GDPD4: variants seen among roughly 807,000 people sequenced by gnomAD.
The protein encoded by GDPD4 is glycerophosphodiester phosphodiesterase domain containing 4.
GDPD4 carries 60 observed loss-of-function variants against 67.8 expected under a neutral mutation model. The ratio of observed to expected loss-of-function variants is 0.88; its 90% confidence interval spans 0.72 to 1.10. GDPD4 has a LOEUF of 1.10. GDPD4 is among the 50% of genes least tolerant of loss of function. GDPD4 has a pLI of 0.00. For synonymous variants in GDPD4, 212 were observed against 210.9 expected (o/e 1.00, Z -0.04); for missense variants, 623 against 613.9 (o/e 1.01, Z -0.16).
chr11:77,250,772 T>C (rs1370786390), intron 11 of GDPD4, among the ~76,000 whole-genome samples: 1 of 152,230 alleles, frequency 6.6e-6, no homozygotes, highest in Non-Finnish European at 1.5e-5. Flanking sequence ...CAACATTTAC[T>C]GTGTTGGAAT....
chr11:77,244,236 T>C (rs540440066), intron 12 of GDPD4, among the ~76,000 whole-genome samples: 27 of 152,304 alleles, frequency 1.8e-4, no homozygotes, highest in Non-Finnish European at 3.7e-4. Flanking sequence ...TGTTCCACCG[T>C]ATTAGCCAGG....
chr11:77,276,595 T>C (rs949735117), intron 4 of GDPD4, among the ~76,000 whole-genome samples: 1 of 152,240 alleles, frequency 6.6e-6, no homozygotes, highest in East Asian at 1.9e-4. Flanking sequence ...TGGACTCACT[T>C]GTAAGAGAAG....
chr11:77,269,439 G>C (rs1246483684), intron 8 of GDPD4, among the ~76,000 whole-genome samples: 1 of 152,084 alleles, frequency 6.6e-6, no homozygotes, highest in African/African-American at 2.4e-5. Flanking sequence ...AGCCTGTAAA[G>C]ATCATCCTAA....
chr11:77,295,990 G>A (rs945283626), intron 1 of GDPD4, among the ~76,000 whole-genome samples: 36 of 152,048 alleles, frequency 2.4e-4, no homozygotes, highest in Admixed American at 1.3e-3. Context: ...GGTGGCTCAC[G>A]CCTGTAATCC....
intron 1 of GDPD4, among the ~76,000 whole-genome samples, chr11:77,297,665 T>G (rs1276517193): frequency 6.6e-6 from 1 of 152,230 alleles, no homozygotes; most frequent in Non-Finnish European, 1.5e-5. Flanking sequence ...TTTTCTCATC[T>G]TTAAATGTGG....
At chr11:77,251,303 C>G (rs746016973) in intron 11 of GDPD4, among the ~76,000 whole-genome samples, 29 of 152,120 alleles carry the variant, frequency 1.9e-4, no homozygotes, top group Non-Finnish European at 4.1e-4. Flanking sequence ...CCTATCTGCT[C>G]TATTGATGAG....
At chr11:77,261,401 C>A (rs991737305) in intron 10 of GDPD4, among the ~76,000 whole-genome samples, 1 of 152,064 alleles carries the variant, frequency 6.6e-6, no homozygotes, top group Admixed American at 6.5e-5. Flanking sequence ...CCACGCCCAG[C>A]TAATTTTTCT....
At chr11:77,232,919 C>T (rs1221989552) in intron 14 of GDPD4, 106 bp downstream of exon 14, 1 of 960,826 alleles carries the variant, frequency 1.0e-6, no homozygotes, top group Non-Finnish European at 1.6e-6. Flanking sequence ...GAAGTCTGTA[C>T]TCTTAAGTGG....
chr11:77,257,558 C>G (rs1198347273), intron 11 of GDPD4, among the ~76,000 whole-genome samples: 1 of 130,284 alleles, frequency 7.7e-6, no homozygotes, highest in African/African-American at 3.2e-5. Flanking sequence ...CTCCTACACA[C>G]ACACACACAC....
At position 77,245,285 on chromosome 11, in the gene GDPD4, T is replaced by A; in HGVS notation, c.1082A>T (p.His361Leu). Residue 361 changes from histidine to leucine, a missense_variant, in exon 12 of 17, where the codon CAT (histidine) becomes CTT (leucine). His to Leu is a moderately conservative substitution (Grantham distance 99). Coordinates refer to ENST00000315938, the MANE Select transcript of GDPD4 (RefSeq NM_182833.3). ...SVILASKIEQ[H>L]LIFWLPAHDR... ...TAAATACTGAGATAGACTTACCAGATGTTGCTCGATTTTAGAGGCAAGGAT... is the reference window on the plus strand; with the variant it reads ...TAAATACTGAGATAGACTTACCAGAAGTTGCTCGATTTTAGAGGCAAGGAT... The A allele has an allele frequency of 1.2e-6, 2 of 1,613,200 alleles. No homozygotes were observed. The highest frequency in any genetic ancestry group is 1.7e-6 in the Non-Finnish European group (2 of 1,179,150).
chr11:77,218,372 G>T (rs998718908), intron 16 of GDPD4, among the ~76,000 whole-genome samples: 1 of 152,020 alleles, frequency 6.6e-6, no homozygotes, highest in Non-Finnish European at 1.5e-5. Context: ...AATCTTTGGG[G>T]TTATCATAGG....
chr11:77,244,682 T>TA (rs906198152), intron 12 of GDPD4, among the ~76,000 whole-genome samples: 13 of 151,972 alleles, frequency 8.6e-5, no homozygotes, highest in African/African-American at 2.4e-4. Flanking sequence ...CTATTTTATT[T>TA]AAAAAAAATC....
chr11:77,227,988 C>G, intron 15 of GDPD4, 72 bp from the exon 16 acceptor site: 1 of 994,220 alleles, frequency 1.0e-6, no homozygotes, highest in Non-Finnish European at 1.6e-6. Flanking sequence ...GTTCCTCCTC[C>G]AGGATCTTCT....
intron 13 of GDPD4, among the ~76,000 whole-genome samples, chr11:77,235,009 G>GTGTTTTTTTTTTTTTTTTTTTTTTTTTTT (rs1413310722): frequency 1.9e-5 from 1 of 52,254 alleles, no homozygotes; most frequent in Non-Finnish European, 3.7e-5. Context: ...GTCAATATCT[G>GTGTTTTTTTTTTTTTTTTTTTTTTTTTTT]TTTTTTTTTT....
At position 77,216,725 on chromosome 11, in the gene GDPD4, T is replaced by C. The variant is rs1958127564; in HGVS notation, c.*552A>G. ...TGCATTCTTGATAGCGAGAGCACAA[T>C]GGTTCCCCTGAGAGCCTCCGTGGCC... On this transcript the variant is annotated 3_prime_UTR_variant, in exon 17 of 17. Coordinates refer to ENST00000315938, the MANE Select transcript of GDPD4 (RefSeq NM_182833.3). 3.4e-6 allele frequency: 2 copies of C among 587,222 alleles called. No homozygotes were observed. Among genetic ancestry groups the C allele is most frequent in the Admixed American group, 3.0e-5 (1 of 33,356 alleles). 36.4% of individuals were successfully genotyped at this position (587,222 alleles called of 1,614,324 possible).
In GDPD4 at chr11:77,262,643, A is replaced by C. The variant is rs573244150; in HGVS notation, c.708-4101T>G. Among the ~76,000 whole-genome samples, 49 of 152,198 alleles carry C rather than the reference A, an allele frequency of 3.2e-4. No individual in the cohort carries two copies. The South Asian group carries it at 9.6e-3, about 30-fold the overall frequency. The stretch of plus-strand genomic sequence containing the variant: ...GATATGAACCAGTTTGAGGACCCCC[A>C]CAGAGGAACAGAATCAGCATGAGAA... On this transcript the variant is annotated intron_variant, in intron 10 of 16. Transcript: ENST00000315938.
chr11:77,236,729 A>AAAAC (rs372484147), intron 13 of GDPD4, among the ~76,000 whole-genome samples: 254 of 145,476 alleles, frequency 1.7e-3, no homozygotes, highest in African/African-American at 4.9e-3. Flanking sequence ...ACAAGAAGGA[A>AAAAC]ACACACACAC....
intron 13 of GDPD4, among the ~76,000 whole-genome samples, chr11:77,241,875 G>A (rs1958672634): frequency 6.6e-6 from 1 of 152,012 alleles, no homozygotes; most frequent in South Asian, 2.1e-4. Context: ...GGAGGTTGCA[G>A]CGAGCCAAGA....
At chr11:77,286,279 C>T (rs1288206695) in intron 2 of GDPD4, among the ~76,000 whole-genome samples, 2 of 152,178 alleles carry the variant, frequency 1.3e-5, no homozygotes, top group African/African-American at 2.4e-5. Flanking sequence ...TGGTATGTGC[C>T]TGTGTACATG....
Sources: allele counts gnomAD v4.1 joint callset (sites outside exome capture counted in the v4.1 genomes callset), GRCh38; gene constraint gnomAD v4.1.1; transcripts MANE v1.5; gene names NCBI Gene and HGNC (gene_info 2026-07-23, HGNC 2026-07-21).